NKAIN3: variants seen among roughly 807,000 people sequenced by gnomAD.
The protein encoded by NKAIN3 is sodium/potassium transporting ATPase interacting 3, also known as sodium/potassium-transporting ATPase subunit beta-1-interacting protein 3.
In NKAIN3, 25 loss-of-function variants were observed where a neutral mutation model predicts 30.2. The ratio of observed to expected loss-of-function variants is 0.83; its 90% CI spans 0.60 to 1.16. The LOEUF (loss-of-function observed/expected upper bound fraction) is 1.16, where lower values mean the gene tolerates loss of function less well. Among genes scored for constraint, NKAIN3 ranks in the 50% most tolerant of loss-of-function variants. The probability of loss-of-function intolerance (pLI) is 0.00; values close to 1 mark genes in which losing one functional copy is unlikely to be tolerated. For synonymous variants in NKAIN3, 91 were observed against 89.6 expected, an observed-to-expected ratio of 1.02 and a Z score of -0.09; for missense variants, 225 against 254.1, an observed-to-expected ratio of 0.89 and a Z score of 0.78.
rs568704700 is a variant in NKAIN3 at position 62,762,996 on chromosome 8, G to A, written c.471+15867G>A. Among the ~76,000 whole-genome samples, 16 of 152,022 alleles carry A rather than the reference G, an allele frequency of 1.1e-4. No homozygotes were observed. The East Asian group carries it at 1.4e-3, about 13-fold the overall frequency. ...CCCAGCACTTCGGAGGCCAAGGCAGGCAGATCACGAGGTCAGGAGATCGAG... is the reference window on the plus strand; with the variant it reads ...CCCAGCACTTCGGAGGCCAAGGCAGACAGATCACGAGGTCAGGAGATCGAG... On this transcript the variant is annotated intron_variant, in intron 4 of 6. Coordinates refer to ENST00000623646, the MANE Select transcript of NKAIN3 (RefSeq NM_001304533.3).
chr8:62,937,067 A>C (rs1378855745), intron 5 of NKAIN3, among the ~76,000 whole-genome samples: 1 of 152,078 alleles, frequency 6.6e-6, no homozygotes, highest in East Asian at 1.9e-4. Context: ...CATGTGAGGT[A>C]GAAATCAACA....
intron 3 of NKAIN3, among the ~76,000 whole-genome samples, chr8:62,624,247 C>G (rs1447530754): frequency 1.3e-5 from 2 of 152,052 alleles, no homozygotes; most frequent in Non-Finnish European, 1.5e-5. Context: ...AACCTCCTAT[C>G]TCATCTGTGA....
rs908154610 is a variant in NKAIN3, at chr8:62,967,551, T to G, written c.*2144T>G. Reference sequence around the variant, plus strand: ...AAGAGCCCACAGAAACAACAAACTCTGTTTTTTAAAAAGCAGCTGGGAAAA... The same window carrying G: ...AAGAGCCCACAGAAACAACAAACTCGGTTTTTTAAAAAGCAGCTGGGAAAA... On this transcript the variant is annotated 3_prime_UTR_variant, in exon 7 of 7. Transcript: ENST00000623646. Among the ~76,000 whole-genome samples, 2 of 152,130 alleles carry G rather than the reference T, an allele frequency of 1.3e-5. No individual in the cohort carries two copies. Among genetic ancestry groups the G allele is most frequent in the Admixed American group, 6.5e-5 (1 of 15,270 alleles).
intron 1 of NKAIN3, among the ~76,000 whole-genome samples, chr8:62,467,277 G>A (rs1440544411): frequency 6.6e-6 from 1 of 152,122 alleles, no homozygotes; most frequent in African/African-American, 2.4e-5. Context: ...ATTAAAAACT[G>A]CATCACCACA....
chr8:62,545,847 C>G (rs1808988257), intron 1 of NKAIN3, among the ~76,000 whole-genome samples: 1 of 152,018 alleles, frequency 6.6e-6, no homozygotes, highest in Admixed American at 6.6e-5. Context: ...ATTATTCAAT[C>G]AAAAAATATA....
At chr8:62,901,631 A>G (rs1428165683) in intron 4 of NKAIN3, among the ~76,000 whole-genome samples, 1 of 152,178 alleles carries the variant, frequency 6.6e-6, no homozygotes, top group Non-Finnish European at 1.5e-5. Flanking sequence ...AGCATCTGCC[A>G]CATTTCACTA....
rs968237389 is a variant in NKAIN3, at chr8:62,804,155, T to C, written c.471+57026T>C. On this transcript the variant is annotated intron_variant, in intron 4 of 6. Coordinates refer to ENST00000623646, the MANE Select transcript of NKAIN3 (RefSeq NM_001304533.3). ...CAACCAAAAAGAGTCCAGGACCAGATGGATTCACAGCAGAATTCTACCAGA... is the reference window on the plus strand; with the variant it reads ...CAACCAAAAAGAGTCCAGGACCAGACGGATTCACAGCAGAATTCTACCAGA... Among the ~76,000 whole-genome samples the C allele has an allele frequency of 3.9e-5, 6 of 152,230 alleles. No individual in the cohort carries two copies. The East Asian group carries it at 7.7e-4, about 20-fold the overall frequency.
intron 3 of NKAIN3, among the ~76,000 whole-genome samples, chr8:62,730,042 C>T (rs994132702): frequency 6.6e-6 from 1 of 152,180 alleles, no homozygotes; most frequent in Non-Finnish European, 1.5e-5. Context: ...ACAAATAATA[C>T]CAAGTTTGAT....
chr8:62,645,601 A>AT lies in NKAIN3; in HGVS notation c.273+55813dup, dbSNP rs199907027. On this transcript the variant is annotated intron_variant, in intron 3 of 6. Transcript: ENST00000623646. Reference sequence around the variant, plus strand: ...AATCAGATACAACAGTGGATTGAAGATTTTTTAAATTAATCAAGTGTATAT... The same window carrying AT: ...AATCAGATACAACAGTGGATTGAAGATTTTTTTAAATTAATCAAGTGTATAT... 3.3e-3 allele frequency among the ~76,000 whole-genome samples: 509 copies of AT among 152,208 alleles called. 5 individuals carry two copies. Among genetic ancestry groups the AT allele is most frequent in the African/African-American group, 0.012 (481 of 41,488 alleles).
rs1823860038 is a variant in NKAIN3, at chr8:62,972,717, G to A, written c.*7310G>A. On this transcript the variant is annotated 3_prime_UTR_variant, in exon 7 of 7. Coordinates refer to ENST00000623646, the MANE Select transcript of NKAIN3 (RefSeq NM_001304533.3). ...ATACTTTAAGTTCTGGGATACATGT[G>A]CAGAATGTGCAGGTTTGTTACATAG... Among the ~76,000 whole-genome samples, 3 of 152,040 alleles carry A rather than the reference G, an allele frequency of 2.0e-5. No homozygotes were observed. Among genetic ancestry groups the A allele is most frequent in the South Asian group, 2.1e-4 (1 of 4,798 alleles).
At chr8:62,493,055 G>C (rs1388535292) in intron 1 of NKAIN3, among the ~76,000 whole-genome samples, 1 of 152,126 alleles carries the variant, frequency 6.6e-6, no homozygotes, top group African/African-American at 2.4e-5. Flanking sequence ...AGTTGAATTA[G>C]ATCCCATTTG....
At position 62,401,102 on chromosome 8, in the gene NKAIN3, A is replaced by G. The variant is rs192104325; in HGVS notation, c.54+151975A>G. On this transcript the variant is annotated intron_variant, in intron 1 of 6. Coordinates refer to ENST00000623646, the MANE Select transcript of NKAIN3 (RefSeq NM_001304533.3). Reference sequence around the variant, plus strand: ...TTTGAAGCTATCTTCCAGATCTTGCATGCATGCATTATTCTCATTTATTCT... The same window carrying G: ...TTTGAAGCTATCTTCCAGATCTTGCGTGCATGCATTATTCTCATTTATTCT... Among the ~76,000 whole-genome samples the G allele has an allele frequency of 2.6e-4, 39 of 150,932 alleles. No homozygotes were observed. The East Asian group carries it at 6.1e-3, about 24-fold the overall frequency.
chr8:62,379,070 A>T (rs1184048407), intron 1 of NKAIN3, among the ~76,000 whole-genome samples: 1 of 152,210 alleles, frequency 6.6e-6, no homozygotes, highest in Non-Finnish European at 1.5e-5. Flanking sequence ...CATCAGTGTG[A>T]CATGGTTGTG....
chr8:62,514,270 T>G (rs908399827), intron 1 of NKAIN3, among the ~76,000 whole-genome samples: 2 of 152,204 alleles, frequency 1.3e-5, no homozygotes, highest in Non-Finnish European at 2.9e-5. Context: ...GATACTCGTT[T>G]TTTTTAATGT....
At chr8:62,360,538 A>T (rs944133568) in intron 1 of NKAIN3, among the ~76,000 whole-genome samples, 4 of 152,146 alleles carry the variant, frequency 2.6e-5, no homozygotes, top group Non-Finnish European at 5.9e-5. Context: ...ATTTAAAGTA[A>T]ATTAGTTCAT....
At position 62,975,667 on chromosome 8, in the gene NKAIN3, T is replaced by A. The variant is rs1396199398; in HGVS notation, c.*10260T>A. 6.6e-6 allele frequency among the ~76,000 whole-genome samples: 1 copy of A among 152,088 alleles called. No individual in the cohort carries two copies. Among genetic ancestry groups the A allele is most frequent in the Admixed American group, 6.6e-5 (1 of 15,248 alleles). ...GTTTTTCGTATCTCTTTCAGTTCTGTTCTGATCTTAGTTATTTCTTGTCTT... is the reference window on the plus strand; with the variant it reads ...GTTTTTCGTATCTCTTTCAGTTCTGATCTGATCTTAGTTATTTCTTGTCTT... On this transcript the variant is annotated 3_prime_UTR_variant, in exon 7 of 7. Transcript: ENST00000623646.
chr8:62,259,345 A>C (rs1812359164), intron 1 of NKAIN3, among the ~76,000 whole-genome samples: 1 of 152,130 alleles, frequency 6.6e-6, no homozygotes, highest in Non-Finnish European at 1.5e-5. Flanking sequence ...CTTTGAGGTC[A>C]ATTTTAGGAA....
At position 62,961,002 on chromosome 8, in the gene NKAIN3, G is replaced by A. The variant is rs112914329; in HGVS notation, c.604-4352G>A. Among the ~76,000 whole-genome samples the A allele has an allele frequency of 4.1e-3, 627 of 152,250 alleles. 8 individuals are homozygous for A. Among genetic ancestry groups the A allele is most frequent in the African/African-American group, 0.014 (590 of 41,548 alleles). On this transcript the variant is annotated intron_variant, in intron 6 of 6. Coordinates refer to ENST00000623646, the MANE Select transcript of NKAIN3 (RefSeq NM_001304533.3). ...TCATTAAAAGTGGGACAACCAGGCCGGGCATGGTGGCTCATGCCTGTAATC... is the reference window on the plus strand; with the variant it reads ...TCATTAAAAGTGGGACAACCAGGCCAGGCATGGTGGCTCATGCCTGTAATC...
chr8:62,454,659 G>A (rs1805759085), intron 1 of NKAIN3, among the ~76,000 whole-genome samples: 1 of 152,114 alleles, frequency 6.6e-6, no homozygotes, highest in African/African-American at 2.4e-5. Context: ...CAGCATTCCT[G>A]ACATTGAATA....
Sources: allele counts gnomAD v4.1 joint callset (sites outside exome capture counted in the v4.1 genomes callset), GRCh38; gene constraint gnomAD v4.1.1; transcripts MANE v1.5; gene names NCBI Gene and HGNC (gene_info 2026-07-23, HGNC 2026-07-21).